Variants in CNTN3 observed in about 807,000 individuals in gnomAD.
CNTN3 encodes the protein contactin 3.
In CNTN3, 60 loss-of-function variants were observed where a neutral mutation model predicts 119.1. The ratio of observed to expected loss-of-function variants is 0.50; its 90% CI spans 0.41 to 0.62. CNTN3 has a LOEUF of 0.62. Among genes scored for constraint, CNTN3 ranks in the 20% least tolerant of loss-of-function variants. CNTN3 has a pLI of 0.00. For missense variants in CNTN3, 1,101 were observed against 1,242.4 expected (o/e 0.89, Z 1.71); for synonymous variants, 450 against 438.7 (o/e 1.03, Z -0.32).
intron 5 of CNTN3, among the ~76,000 whole-genome samples, chr3:74,410,416 G>C (rs141553876): frequency 8.7e-4 from 132 of 152,306 alleles, no homozygotes; most frequent in Admixed American, 2.7e-3. Flanking sequence ...ATAAGTGTGT[G>C]CTGAGAATTA....
chr3:74,276,777 C>A (rs1391557751), intron 20 of CNTN3, among the ~76,000 whole-genome samples: 1 of 151,770 alleles, frequency 6.6e-6, no homozygotes. Context: ...AGGAAATAAG[C>A]AAAATCAGAG....
At chr3:74,596,076 C>T (rs1236697157) in intron 1 of CNTN3, among the ~76,000 whole-genome samples, 1 of 152,112 alleles carries the variant, frequency 6.6e-6, no homozygotes, top group Admixed American at 6.6e-5. Context: ...TGAGTGAACT[C>T]CCATTCACAA....
intron 9 of CNTN3, among the ~76,000 whole-genome samples, 175 bp downstream of exon 9, chr3:74,365,391 G>C (rs1403992306): frequency 2.6e-5 from 4 of 152,086 alleles, no homozygotes; most frequent in African/African-American, 9.7e-5. Context: ...TGGCAGACTG[G>C]GTACTTGATT....
At chr3:74,331,766 A>G (rs990633639) in intron 13 of CNTN3, among the ~76,000 whole-genome samples, 1 of 152,120 alleles carries the variant, frequency 6.6e-6, no homozygotes, top group African/African-American at 2.4e-5. Context: ...CTCCTTTGTG[A>G]TGTGCCAATT....
chr3:74,538,539 C>G (rs745319494), intron 1 of CNTN3, among the ~76,000 whole-genome samples: 10 of 152,072 alleles, frequency 6.6e-5, no homozygotes, highest in Admixed American at 5.9e-4. Context: ...TGGATTCCAA[C>G]GTATCCTACT....
intron 1 of CNTN3, among the ~76,000 whole-genome samples, chr3:74,565,910 G>C (rs1043327176): frequency 6.6e-6 from 1 of 152,044 alleles, no homozygotes; most frequent in Non-Finnish European, 1.5e-5. Flanking sequence ...TTGAATCATG[G>C]GGGCAAGTCT....
chr3:74,592,498 C>T (rs1704720415), intron 1 of CNTN3, among the ~76,000 whole-genome samples: 1 of 150,712 alleles, frequency 6.6e-6, no homozygotes, highest in Admixed American at 6.6e-5. Context: ...CACACACATA[C>T]ACACAGTATC....
chr3:74,501,751 C>A (rs182030364), intron 2 of CNTN3, among the ~76,000 whole-genome samples: 381 of 151,242 alleles, frequency 2.5e-3, no homozygotes, highest in Middle Eastern at 0.01. Flanking sequence ...CTGATCTTTA[C>A]CTGATCATTA....
intron 13 of CNTN3, among the ~76,000 whole-genome samples, chr3:74,323,880 AT>A (rs111790238): frequency 3.3e-3 from 503 of 152,068 alleles, no homozygotes; most frequent in African/African-American, 0.011. Context: ...CAGAGATGAG[AT>A]TTTTTTTAAA....
intron 2 of CNTN3, among the ~76,000 whole-genome samples, chr3:74,515,903 C>T (rs1438631637): frequency 6.6e-6 from 1 of 151,912 alleles, no homozygotes; most frequent in Admixed American, 6.6e-5. Flanking sequence ...TTTCAAAAGA[C>T]AACTCTCCTC....
At chr3:74,368,986 T>G (rs916573748) in intron 8 of CNTN3, among the ~76,000 whole-genome samples, 1 of 152,112 alleles carries the variant, frequency 6.6e-6, no homozygotes, top group Non-Finnish European at 1.5e-5. Flanking sequence ...AAAATGAATA[T>G]ATTATGTCGC....
chr3:74,542,654 A>G (rs1026593971), intron 1 of CNTN3, among the ~76,000 whole-genome samples: 2 of 152,218 alleles, frequency 1.3e-5, no homozygotes, highest in African/African-American at 4.8e-5. Context: ...TCAGTTTGAC[A>G]TGACTGGGCC....
chr3:74,572,400 T>C (rs1445089562), intron 1 of CNTN3, among the ~76,000 whole-genome samples: 2 of 152,024 alleles, frequency 1.3e-5, no homozygotes, highest in Non-Finnish European at 2.9e-5. Context: ...ACATAAATGT[T>C]TATACAAAGA....
chr3:74,393,726 G>A (rs11915655), intron 5 of CNTN3, among the ~76,000 whole-genome samples: 5,942 of 152,270 alleles, frequency 0.039, 324 homozygotes, highest in African/African-American at 0.12. Flanking sequence ...GAGAGGAAGC[G>A]AGGGCCAGAA....
Position 74,517,168 on chromosome 3 carries a change from T to C in CNTN3, c.55+3890A>G, listed in dbSNP as rs145950863. On this transcript the variant is annotated intron_variant, in intron 2 of 22. Transcript: ENST00000263665. Reference sequence around the variant, plus strand: ...AGGGACCTGTAACCTCCCTCTCCTCTTGCTTCAAGATACCCACCTTTTTAG... The same window carrying C: ...AGGGACCTGTAACCTCCCTCTCCTCCTGCTTCAAGATACCCACCTTTTTAG... 2.0e-3 allele frequency among the ~76,000 whole-genome samples: 300 copies of C among 152,032 alleles called. 3 individuals carry two copies. Among genetic ancestry groups the C allele is most frequent in the African/African-American group, 6.5e-3 (272 of 41,538 alleles).
chr3:74,332,948 G>A (rs894465016), intron 13 of CNTN3, among the ~76,000 whole-genome samples: 1 of 152,232 alleles, frequency 6.6e-6, no homozygotes, highest in African/African-American at 2.4e-5. Context: ...TAACTTGTAA[G>A]ACAGCCTGAG....
chr3:74,480,442 G>A (rs1339446696), intron 4 of CNTN3, among the ~76,000 whole-genome samples: 2 of 152,006 alleles, frequency 1.3e-5, no homozygotes, highest in Non-Finnish European at 2.9e-5. Context: ...GTGGTGGTAG[G>A]AGAGTGTTGT....
chr3:74,570,536 T>C (rs1704296820), intron 1 of CNTN3, among the ~76,000 whole-genome samples: 1 of 86,406 alleles, frequency 1.2e-5, no homozygotes, highest in South Asian at 3.8e-4. Context: ...AAGAGTGTCT[T>C]CTAAGGACAA....
intron 5 of CNTN3, among the ~76,000 whole-genome samples, chr3:74,402,252 G>A (rs541076568): frequency 5.9e-5 from 9 of 152,212 alleles, no homozygotes; most frequent in East Asian, 1.9e-4. Flanking sequence ...AAAAATATAG[G>A]AGCACTGTTT....
Sources: allele counts gnomAD v4.1 joint callset (sites outside exome capture counted in the v4.1 genomes callset), GRCh38; gene constraint gnomAD v4.1.1; transcripts MANE v1.5; gene names NCBI Gene and HGNC (gene_info 2026-07-23, HGNC 2026-07-21).